PRDM16: variants seen among roughly 807,000 people sequenced by gnomAD.
PRDM16 encodes the protein histone-lysine N-methyltransferase PRDM16.
In PRDM16, 23 loss-of-function variants were observed where a neutral mutation model predicts 110.6. The ratio of observed to expected loss-of-function variants is 0.21; its 90% CI spans 0.15 to 0.29. The LOEUF is 0.29. Among genes scored for constraint, PRDM16 ranks in the 10% least tolerant of loss-of-function variants. PRDM16 has a pLI of 1.00. For missense variants in PRDM16, 1,615 were observed against 1,794.3 expected (o/e 0.90, Z 1.81); for synonymous variants, 799 against 781.8 (o/e 1.02, Z -0.37).
intron 3 of PRDM16, among the ~76,000 whole-genome samples, chr1:3,270,095 CAG>C (rs1383171132): frequency 1.3e-5 from 2 of 148,670 alleles, no homozygotes; most frequent in East Asian, 4.1e-4. Flanking sequence ...GGATGACAGT[CAG>C]GGAGGATGAC....
intron 1 of PRDM16, among the ~76,000 whole-genome samples, chr1:3,087,400 G>T (rs1014982624): frequency 6.6e-6 from 1 of 152,230 alleles, no homozygotes. Context: ...GCGAGAGCAG[G>T]TGGACAGGAG....
At chr1:3,131,215 C>T (rs1643329931) in intron 1 of PRDM16, among the ~76,000 whole-genome samples, 1 of 152,218 alleles carries the variant, frequency 6.6e-6, no homozygotes, top group Non-Finnish European at 1.5e-5. Context: ...GACTCCCTCT[C>T]TCTCTCTCAG....
intron 3 of PRDM16, among the ~76,000 whole-genome samples, chr1:3,356,472 C>T (rs1407023815): frequency 6.6e-6 from 1 of 152,230 alleles, no homozygotes; most frequent in Non-Finnish European, 1.5e-5. Flanking sequence ...TCCTCCCTTT[C>T]CAACAGAGAA....
rs1452901414 is a variant in PRDM16 at position 3,385,230 on chromosome 1, C to T, written c.517C>T (p.Arg173Cys). Reference protein sequence around the residue: ...AGAGSWLKYIRVACSCDDQNL... With the variant: ...AGAGSWLKYICVACSCDDQNL... ...GGCTGGCAGCTGGCTCAAGTACATC[C>T]GTGTGGCGTGCTCCTGCGATGACCA... The change falls in exon 4 of 17, where the codon CGT becomes TGT. Residue 173 changes from arginine (R) to cysteine (C), a missense_variant. By Grantham distance (180) the Arg-to-Cys change is radical. Coordinates refer to ENST00000270722, the MANE Select transcript of PRDM16 (RefSeq NM_022114.4). 8 of 1,613,732 alleles carry T rather than the reference C, an allele frequency of 5.0e-6. No homozygotes were observed. Among genetic ancestry groups the T allele is most frequent in the Non-Finnish European group, 6.8e-6 (8 of 1,180,006 alleles).
chr1:3,402,477 C>T (rs1389178511), intron 5 of PRDM16, among the ~76,000 whole-genome samples: 3 of 152,250 alleles, frequency 2.0e-5, no homozygotes, highest in Non-Finnish European at 4.4e-5. Flanking sequence ...CACTCCCGAG[C>T]GGGGCCTTCT....
chr1:3,291,991 A>G (rs12405692), intron 3 of PRDM16, among the ~76,000 whole-genome samples: 17,177 of 152,212 alleles, frequency 0.11, 1,083 homozygotes, highest in Middle Eastern at 0.17. Flanking sequence ...GGTGCCTGGC[A>G]CCCTCAAGAT....
At chr1:3,273,121 G>A (rs1197249024) in intron 3 of PRDM16, among the ~76,000 whole-genome samples, 1 of 152,210 alleles carries the variant, frequency 6.6e-6, no homozygotes, top group Middle Eastern at 3.2e-3. Flanking sequence ...CCAGAAACAG[G>A]GAGGATCCCA....
At chr1:3,405,794 T>A in intron 8 of PRDM16, 146 bp downstream of exon 8, 1 of 778,028 alleles carries the variant, frequency 1.3e-6, no homozygotes, top group Non-Finnish European at 1.9e-6. Context: ...TTCTGACATC[T>A]CTGCCGCGTG....
intron 3 of PRDM16, among the ~76,000 whole-genome samples, chr1:3,336,907 GTC>G (rs576190006): frequency 1.4e-3 from 205 of 150,088 alleles, no homozygotes; most frequent in African/African-American, 3.9e-3. Context: ...GTTGGTGTGA[GTC>G]TGTGTGTGAA....
Position 3,434,061 on chromosome 1 carries a change from C to T in PRDM16, c.*250C>T, listed in dbSNP as rs532645304. 8.8e-6 allele frequency: 4 copies of T among 454,826 alleles called. No homozygotes were observed. Among genetic ancestry groups the T allele is most frequent in the South Asian group, 6.7e-5 (2 of 29,886 alleles). 28.2% of individuals were successfully genotyped at this position (454,826 alleles called of 1,614,324 possible). A position where few individuals can be genotyped will look rare whatever the true frequency, so the allele number is the denominator to read the frequency against. On this transcript the variant is annotated 3_prime_UTR_variant, in exon 17 of 17. Coordinates refer to ENST00000270722, the MANE Select transcript of PRDM16 (RefSeq NM_022114.4). Reference sequence around the variant, plus strand: ...GTTCAGTGACGGCCATGCAGGTGGCCGTCCAAAGACAGCCAACGGAGCTGC... The same window carrying T: ...GTTCAGTGACGGCCATGCAGGTGGCTGTCCAAAGACAGCCAACGGAGCTGC...
At chr1:3,369,460 G>A (rs2100574541) in intron 3 of PRDM16, among the ~76,000 whole-genome samples, 1 of 152,356 alleles carries the variant, frequency 6.6e-6, no homozygotes, top group African/African-American at 2.4e-5. Context: ...GAAGGAGCCT[G>A]TGTCATCCAG....
At chr1:3,120,288 C>G (rs1643066931) in intron 1 of PRDM16, among the ~76,000 whole-genome samples, 1 of 152,252 alleles carries the variant, frequency 6.6e-6, no homozygotes, top group East Asian at 1.9e-4. Flanking sequence ...GTCTGGCAGC[C>G]TCCCCTCCCG....
Position 3,265,946 on chromosome 1 carries a change from C to T in PRDM16, c.438+21809C>T, listed in dbSNP as rs1640279099. On this transcript the variant is annotated intron_variant, in intron 3 of 16. Transcript: ENST00000270722. The surrounding 1 kb of genome is among the most constrained non-coding windows in gnomAD (Gnocchi z 4.5). The stretch of plus-strand genomic sequence containing the variant: ...GCGTGTCTCATAAAGCCCAGGAGGG[C>T]GAGGCCAGGCCCAGCCCCCAACTCA... Among the ~76,000 whole-genome samples the T allele has an allele frequency of 6.6e-6, 1 of 152,220 alleles. No individual in the cohort carries two copies. The highest frequency in any genetic ancestry group is 2.1e-4 in the South Asian group (1 of 4,820).
Position 3,412,386 on chromosome 1 carries a change from T to G in PRDM16, c.2189T>G (p.Leu730Arg), listed in dbSNP as rs1460341017. 1 of 1,613,308 alleles carries G rather than the reference T, an allele frequency of 6.2e-7. No individual in the cohort carries two copies. Among genetic ancestry groups the G allele is most frequent in the African/African-American group, 1.3e-5 (1 of 74,940 alleles). ...CACTCGGCGTTCCCCTTCCAGTTCC[T>G]GCCCAACTTCCCCCACTCCCTTTAC... is the stretch of plus-strand genomic sequence containing the variant. The part of the protein sequence containing the change: ...PYHSAFPFQF[L>R]PNFPHSLYPF... Residue 730 changes from leucine to arginine, a missense_variant, in exon 9 of 17, where the codon CTG (leucine) becomes CGG (arginine). Coordinates refer to ENST00000270722, the MANE Select transcript of PRDM16 (RefSeq NM_022114.4).
intron 2 of PRDM16, among the ~76,000 whole-genome samples, chr1:3,205,757 A>G (rs12028814): frequency 0.41 from 61,894 of 152,086 alleles, 17,866 homozygotes; most frequent in African/African-American, 0.8. Flanking sequence ...GTCCAGGGGC[A>G]AGGCTAGAAC....
chr1:3,171,151 C>T (rs1409137626), intron 1 of PRDM16, among the ~76,000 whole-genome samples: 1 of 152,234 alleles, frequency 6.6e-6, no homozygotes, highest in Non-Finnish European at 1.5e-5. Flanking sequence ...ATTTCGGGGC[C>T]ACGTTTGTTT....
intron 3 of PRDM16, among the ~76,000 whole-genome samples, chr1:3,275,005 C>T (rs555829443): frequency 2.6e-5 from 4 of 152,248 alleles, no homozygotes; most frequent in East Asian, 1.9e-4. Flanking sequence ...TGCCATGTAC[C>T]GACAGCAAGG....
At chr1:3,094,536 C>T (rs1457268513) in intron 1 of PRDM16, among the ~76,000 whole-genome samples, 5 of 152,174 alleles carry the variant, frequency 3.3e-5, no homozygotes, top group African/African-American at 1.2e-4. Flanking sequence ...CCCTTCTAAG[C>T]CCCCAGCAGG....
chr1:3,255,383 C>T lies in PRDM16; in HGVS notation c.438+11246C>T, dbSNP rs1395067926. The stretch of plus-strand genomic sequence containing the variant: ...GAGGGTCGCGTGCAGCACACAGCCT[C>T]CCAGACGGCTCTCACCACAAAGCCA... On this transcript the variant is annotated intron_variant, in intron 3 of 16. Coordinates refer to ENST00000270722, the MANE Select transcript of PRDM16 (RefSeq NM_022114.4). This position sits in a 1 kb window ranked among gnomAD's most constrained non-coding sequence, Gnocchi z 4.7. Among the ~76,000 whole-genome samples, 2 of 152,160 alleles carry T rather than the reference C, an allele frequency of 1.3e-5. No individual in the cohort carries two copies. The highest frequency in any genetic ancestry group is 2.9e-5 in the Non-Finnish European group (2 of 68,026).
Sources: allele counts gnomAD v4.1 joint callset (sites outside exome capture counted in the v4.1 genomes callset), GRCh38; gene constraint gnomAD v4.1.1; non-coding constraint Gnocchi (gnomAD v3.1); transcripts MANE v1.5; gene names NCBI Gene and HGNC (gene_info 2026-07-23, HGNC 2026-07-21).